The following HCCS variants were observed in gnomAD, a reference collection of about 807,000 sequenced individuals.
HCCS encodes holocytochrome c-type synthase.
A neutral mutation model predicts 24.2 loss-of-function variants in HCCS; 2 were observed. That is an observed-to-expected ratio of 0.08 (90% CI 0.03 to 0.26). The LOEUF is 0.26. Ranked by LOEUF, HCCS falls within the 10% of genes least tolerant of loss-of-function variation. HCCS has a pLI of 1.00. For missense variants in HCCS, 150 were observed against 213.3 expected, an observed-to-expected ratio of 0.70 and a Z score of 1.85; for synonymous variants, 73 against 76.2, an observed-to-expected ratio of 0.96 and a Z score of 0.22.
rs1410438371 is a variant in HCCS at position 11,122,296 on chromosome X, C to T, written c.*486C>T. 1.7e-5 allele frequency: 2 copies of T among 117,777 alleles called. No individual in the cohort carries two copies. Among genetic ancestry groups the T allele is most frequent in the African/African-American group, 6.5e-5 (2 of 30,618 alleles). The allele number at this position is 117,777 out of a possible 1,213,427, so 9.7% of individuals were successfully genotyped here. On this transcript the variant is annotated 3_prime_UTR_variant, in exon 7 of 7. Transcript: ENST00000380762. ...ATTATACCTTTTTTAAAAAAAGTTA[C>T]CATTATTTCTAAAGCCCCTATGGTA...
rs200376414 is a variant in HCCS at position 11,118,653 on chromosome X, C to A, written c.521+33C>A. On this transcript the variant is annotated intron_variant, in intron 5 of 6. Transcript: ENST00000380762. ...TGTTTGAGATCTTAAATGTTTCAAG[C>A]ATCTTTGTTATTTCATATCAGCTTT... is the stretch of plus-strand genomic sequence containing the variant. 1.4e-4 allele frequency: 163 copies of A among 1,183,692 alleles called. No individual in the cohort carries two copies. The African/African-American group carries it at 2.7e-3, about 20-fold the overall frequency.
intron 4 of HCCS, 144 bp from the exon 5 acceptor site, chrX:11,118,357 G>T (rs1427902861): frequency 1.8e-6 from 1 of 569,598 alleles, no homozygotes; most frequent in Admixed American, 2.5e-5. Context: ...ATGAGCCTTA[G>T]ATCTGTTAAA....
chrX:11,121,636 C>T lies in HCCS; in HGVS notation c.633C>T (p.His211=), dbSNP rs746037079. Residue 211 remains histidine, a synonymous_variant, in exon 7 of 7, where the codon CAC becomes CAT. Transcript: ENST00000380762. ...GGTATGAGTTGCCTTTTGATAGGCA[C>T]GATTGGATCATAAACCGTTGCGGGA... ...WMGYELPFDR[H]DWIINRCGTE... 3.3e-6 allele frequency: 4 copies of T among 1,210,203 alleles called. No individual in the cohort carries two copies. Among genetic ancestry groups the T allele is most frequent in the East Asian group, 3.0e-5 (1 of 33,842 alleles).
intron 1 of HCCS, among the ~76,000 whole-genome samples, chrX:11,111,795 A>G (rs1419320203): frequency 8.9e-6 from 1 of 112,251 alleles, no homozygotes; most frequent in African/African-American, 3.2e-5. Context: ...CCTCAGTCCC[A>G]AAATCCTCAC....
chrX:11,121,872 T>C lies in HCCS; in HGVS notation c.*62T>C, dbSNP rs2045494612. The stretch of plus-strand genomic sequence containing the variant: ...TTCTGAGCGATACATTAAACTATTT[T>C]CCCCAGATTGAATTGCACTCATGAT... On this transcript the variant is annotated 3_prime_UTR_variant, in exon 7 of 7. Coordinates refer to ENST00000380762, the MANE Select transcript of HCCS (RefSeq NM_005333.5). 2.3e-5 allele frequency: 22 copies of C among 957,366 alleles called. No individual in the cohort carries two copies. The highest frequency in any genetic ancestry group is 3.1e-5 in the Non-Finnish European group (21 of 675,917). 78.9% of individuals were successfully genotyped at this position (957,366 alleles called of 1,213,427 possible).
chrX:11,119,830 A>C (rs1251076953), intron 5 of HCCS, among the ~76,000 whole-genome samples: 1 of 112,043 alleles, frequency 8.9e-6, no homozygotes, highest in African/African-American at 3.2e-5. Flanking sequence ...ACCACCTGCT[A>C]ATTACTTGTG....
At chrX:11,118,286 A>G (rs1418333630) in intron 4 of HCCS, 2 of 459,095 alleles carry the variant, frequency 4.4e-6, no homozygotes, top group Admixed American at 2.8e-5. Context: ...TTTGTTTTCA[A>G]TGCTTCTATA....
At chrX:11,121,288 C>G (rs1003887391) in intron 6 of HCCS, among the ~76,000 whole-genome samples, 2 of 112,748 alleles carry the variant, frequency 1.8e-5, no homozygotes, top group Non-Finnish European at 3.7e-5. Flanking sequence ...AGCCATCCTC[C>G]CTTTCTTTTC....
At chrX:11,115,885 C>T (rs940310746) in intron 3 of HCCS, among the ~76,000 whole-genome samples, 1 of 111,843 alleles carries the variant, frequency 8.9e-6, no homozygotes, top group African/African-American at 3.3e-5. Flanking sequence ...GCTGCTTTCT[C>T]TGTAGCATGA....
At chrX:11,117,541 C>T in intron 4 of HCCS, 126 bp downstream of exon 4, 1 of 585,110 alleles carries the variant, frequency 1.7e-6, no homozygotes, top group South Asian at 3.0e-5. Flanking sequence ...TTATAATCAC[C>T]TGATTTTTCA....
chrX:11,121,799 T>C lies in HCCS; in HGVS notation c.796T>C (p.Trp266Arg). The C allele has an allele frequency of 8.3e-7, 1 of 1,204,744 alleles. No homozygotes were observed. The highest frequency in any genetic ancestry group is 1.1e-6 in the Non-Finnish European group (1 of 889,373). Residue 266 changes from tryptophan to arginine, a missense_variant, in exon 7 of 7, where the codon TGG becomes CGG. By Grantham distance (101) the Trp-to-Arg change is moderately radical. Transcript: ENST00000380762. ...WDRMKVAWWR[W>R]TS Reference sequence around the variant, plus strand: ...CAGAATGAAAGTCGCTTGGTGGCGTTGGACCTCGTAAAGCACTGTTTCAGA... The same window carrying C: ...CAGAATGAAAGTCGCTTGGTGGCGTCGGACCTCGTAAAGCACTGTTTCAGA...
chrX:11,120,583 T>A (rs2045484288), intron 5 of HCCS, among the ~76,000 whole-genome samples: 1 of 110,771 alleles, frequency 9.0e-6, no homozygotes, highest in Non-Finnish European at 1.9e-5. Context: ...TGATGCACAA[T>A]ACTTGAGGCT....
chrX:11,118,858 C>G (rs2045469014), intron 5 of HCCS, among the ~76,000 whole-genome samples: 1 of 111,656 alleles, frequency 9.0e-6, no homozygotes, highest in Admixed American at 9.5e-5. Flanking sequence ...TGGCTTGTCT[C>G]TGGTCCTTGA....
At position 11,114,930 on chromosome X, in the gene HCCS, T is replaced by G; in HGVS notation, c.196T>G (p.Cys66Gly). Reference protein sequence around the residue: ...HQERAYEYVECPIRGTAAENK... With the variant: ...HQERAYEYVEGPIRGTAAENK... The stretch of plus-strand genomic sequence containing the variant: ...GGAACGCGCCTATGAGTACGTGGAG[T>G]GTCCCATTAGGGGCACTGCGGCTGA... Residue 66 changes from cysteine (C) to glycine (G), a missense_variant, in exon 3 of 7, where the codon TGT (cysteine) becomes GGT (glycine). By Grantham distance (159) the Cys-to-Gly change is radical (BLOSUM62 -3). Around this residue, in one of 2 missense-constraint regions of HCCS, gnomAD observed 95 missense variants for 79.1 expected, o/e 1.20. Coordinates refer to ENST00000380762, the MANE Select transcript of HCCS (RefSeq NM_005333.5). 1 of 1,205,568 alleles carries G rather than the reference T, an allele frequency of 8.3e-7. No homozygotes were observed. The highest frequency in any genetic ancestry group is 1.1e-6 in the Non-Finnish European group (1 of 889,927).
chrX:11,116,415 A>C (rs759898974), intron 3 of HCCS, among the ~76,000 whole-genome samples: 1 of 112,877 alleles, frequency 8.9e-6, no homozygotes, highest in East Asian at 2.8e-4. Context: ...CACTGTGGTG[A>C]TAATGCAGGT....
intron 4 of HCCS, among the ~76,000 whole-genome samples, chrX:11,117,791 C>G (rs2045459910): frequency 8.9e-6 from 1 of 111,925 alleles, no homozygotes; most frequent in Middle Eastern, 4.7e-3. Context: ...TCTCAAGATG[C>G]AAGAAGAACT....
At chrX:11,116,543 CAG>C (rs945990661) in intron 3 of HCCS, among the ~76,000 whole-genome samples, 1 of 113,008 alleles carries the variant, frequency 8.8e-6, no homozygotes, top group Non-Finnish European at 1.9e-5. Flanking sequence ...ACTTCTAACA[CAG>C]AAAGTTCAAG....
chrX:11,117,857 T>A (rs776429108), intron 4 of HCCS, among the ~76,000 whole-genome samples: 8 of 111,692 alleles, frequency 7.2e-5, no homozygotes, highest in Non-Finnish European at 1.3e-4. Flanking sequence ...GCTCAAGCAG[T>A]CATGCAGAAG....
rs766804253 is a variant in HCCS, at chrX:11,117,236, C to T, written c.253-31C>T. The T allele has an allele frequency of 2.5e-6, 3 of 1,180,630 alleles. No homozygotes were observed. In the Admixed American group the frequency reaches 6.5e-5, roughly 26 times the overall value. On this transcript the variant is annotated intron_variant, in intron 3 of 6. Coordinates refer to ENST00000380762, the MANE Select transcript of HCCS (RefSeq NM_005333.5). ...ATTATATTGCCTTTTACTTTATATC[C>T]TATAAAAGCAAATCTGTTCATTTTA...
Sources: gnomAD v4.1 joint callset for allele counts (sites outside exome capture counted in the v4.1 genomes callset) on GRCh38, gnomAD v4.1.1 for gene constraint, gnomAD v4.1.1 regional missense constraint, MANE v1.5 for transcripts, NCBI Gene and HGNC (gene_info 2026-07-23, HGNC 2026-07-21) for gene names.